ZGRF1: variants seen among roughly 807,000 people sequenced by gnomAD.
ZGRF1 encodes the protein 5'-3' DNA helicase ZGRF1.
A neutral mutation model predicts 203.5 loss-of-function variants in ZGRF1; 196 were observed. The observed-to-expected ratio is 0.96, with a 90% CI of 0.86 to 1.08. The LOEUF (loss-of-function observed/expected upper bound fraction) is 1.08. Among genes scored for constraint, ZGRF1 ranks in the 50% least tolerant of loss-of-function variants. ZGRF1 has a pLI of 0.00. For missense variants in ZGRF1, 2,326 were observed against 2,416.3 expected (o/e 0.96, Z 0.78); for synonymous variants, 809 against 841.3 (o/e 0.96, Z 0.66).
chr4:112,620,279 G>T, intron 4 of ZGRF1, 89 bp from the exon 5 acceptor site: 1 of 892,092 alleles, frequency 1.1e-6, no homozygotes. Context: ...GACACAATGG[G>T]TGTTCAATAA....
At chr4:112,543,978 C>G (rs1482840595) in intron 24 of ZGRF1, among the ~76,000 whole-genome samples, 1 of 151,320 alleles carries the variant, frequency 6.6e-6, no homozygotes, top group Non-Finnish European at 1.5e-5. Flanking sequence ...CTGGAGCCAC[C>G]ATGCCCAGCC....
At chr4:112,602,062 G>T (rs943400936) in intron 10 of ZGRF1, among the ~76,000 whole-genome samples, 1 of 152,080 alleles carries the variant, frequency 6.6e-6, no homozygotes, top group African/African-American at 2.4e-5. Context: ...AATTAGCTGG[G>T]CTCAGTGGCA....
At chr4:112,599,776 A>T (rs538992911) in intron 10 of ZGRF1, among the ~76,000 whole-genome samples, 17 of 152,250 alleles carry the variant, frequency 1.1e-4, no homozygotes, top group African/African-American at 4.1e-4. Context: ...GAAATTGCAG[A>T]CCAATAAATC....
At chr4:112,547,548 C>T in intron 23 of ZGRF1, 140 bp from the exon 24 acceptor site, 2 of 715,780 alleles carry the variant, frequency 2.8e-6, no homozygotes, top group Non-Finnish European at 2.2e-6. Context: ...CTTAGTAGTG[C>T]TATTAAGCGC....
Position 112,584,047 on chromosome 4 carries a change from A to C in ZGRF1, c.4229T>G (p.Ile1410Ser). 1 of 1,613,566 alleles carries C rather than the reference A, an allele frequency of 6.2e-7. No individual in the cohort carries two copies. Among genetic ancestry groups the C allele is most frequent in the Non-Finnish European group, 8.5e-7 (1 of 1,179,666 alleles). Residue 1410 changes from isoleucine to serine, a missense_variant, in exon 15 of 28, where the codon ATT (isoleucine) becomes AGT (serine). Coordinates refer to ENST00000505019, the MANE Select transcript of ZGRF1 (RefSeq NM_018392.5). The part of the protein sequence containing the change: ...GARPGMVLSD[I>S]KSIGLYLRSQ... ...TCTTAAATATAAGCCAATACTCTTA[A>C]TATCACTTAAAACCATGCCAGGTCG...
chr4:112,633,778 G>A (rs1312007497), intron 1 of ZGRF1, among the ~76,000 whole-genome samples: 3 of 152,172 alleles, frequency 2.0e-5, no homozygotes, highest in African/African-American at 7.2e-5. Flanking sequence ...GGCAAATTTG[G>A]AAATCTAAAA....
Position 112,539,650 on chromosome 4 carries a change from G to A in ZGRF1, c.6212C>T (p.Pro2071Leu). ...ATCTTTAAGGAGATGGTTCAGCTGTGGTTCATACTGGTTTGCATGTTGCAA... is the reference window on the plus strand; with the variant it reads ...ATCTTTAAGGAGATGGTTCAGCTGTAGTTCATACTGGTTTGCATGTTGCAA... ...DGLQHANQYEPQLNHLLKDYF... is the reference protein window; with the variant it reads ...DGLQHANQYELQLNHLLKDYF... Residue 2071 changes from proline to leucine, a missense_variant, in exon 28 of 28, where the codon CCA becomes CTA. By Grantham distance (98) the Pro-to-Leu change is moderately conservative. Coordinates refer to ENST00000505019, the MANE Select transcript of ZGRF1 (RefSeq NM_018392.5). 2 of 1,605,736 alleles carry A rather than the reference G, an allele frequency of 1.2e-6. No homozygotes were observed. Among genetic ancestry groups the A allele is most frequent in the Non-Finnish European group, 1.7e-6 (2 of 1,176,510 alleles).
Position 112,606,001 on chromosome 4 carries a change from AT to A in ZGRF1, c.2802+6del. On this transcript the variant is annotated splice_donor_region_variant and intron_variant, in intron 9 of 27. Coordinates refer to ENST00000505019, the MANE Select transcript of ZGRF1 (RefSeq NM_018392.5). Reference sequence around the variant, plus strand: ...TTAAATAAATCGATGTTCTTCACAAATTTTACCTTAGGGTCACAGGTTTTTC... The same window carrying A: ...TTAAATAAATCGATGTTCTTCACAAATTTACCTTAGGGTCACAGGTTTTTC... 1.9e-6 allele frequency: 3 copies of A among 1,560,256 alleles called. No individual in the cohort carries two copies. Among genetic ancestry groups the A allele is most frequent in the Non-Finnish European group, 2.6e-6 (3 of 1,142,092 alleles).
rs1253371055 is a variant in ZGRF1, at chr4:112,619,670, C to T, written c.372G>A (p.Gln124=). The T allele has an allele frequency of 1.2e-6, 2 of 1,604,660 alleles. No individual in the cohort carries two copies. The highest frequency in any genetic ancestry group is 2.2e-5 in the South Asian group (2 of 89,356). ...RKFTGFQGPR[Q]VPKKMVIMES... is the part of the protein sequence containing the mutation. ...CCATAATAACCATTTTCTTTGGAAC[C>T]TGACGTGGTCCTTGAAAACCCTGAA... Residue 124 remains glutamine (Q), a synonymous_variant, in exon 6 of 28, where the codon CAG becomes CAA. Transcript: ENST00000505019.
chr4:112,623,372 C>T (rs1312391431), intron 4 of ZGRF1, among the ~76,000 whole-genome samples: 1 of 152,108 alleles, frequency 6.6e-6, no homozygotes, highest in African/African-American at 2.4e-5. Context: ...GGTATATACC[C>T]AGTTATAGTA....
intron 9 of ZGRF1, among the ~76,000 whole-genome samples, chr4:112,604,822 C>A (rs1750532079): frequency 6.6e-6 from 1 of 152,062 alleles, no homozygotes; most frequent in East Asian, 1.9e-4. Flanking sequence ...TTACTCCATA[C>A]AAAGTAAAGC....
chr4:112,546,356 G>A (rs1441530787), intron 24 of ZGRF1, among the ~76,000 whole-genome samples: 1 of 152,086 alleles, frequency 6.6e-6, no homozygotes, highest in Non-Finnish European at 1.5e-5. Flanking sequence ...AAGAAACTGT[G>A]AATGTACTAA....
intron 8 of ZGRF1, 42 bp from the exon 9 acceptor site, chr4:112,606,133 G>A: frequency 8.5e-7 from 1 of 1,177,938 alleles, no homozygotes; most frequent in Non-Finnish European, 1.2e-6. Flanking sequence ...AGCTAGAATA[G>A]TTTCACAGGT....
rs1483484686 is a variant in ZGRF1 at position 112,548,233 on chromosome 4, G to T, written c.5474+20C>A. On this transcript the variant is annotated intron_variant, in intron 23 of 27. Transcript: ENST00000505019. ...TAGGATTACAGGTATTACCCCTGGG[G>T]AAAGAATCTTTTAGGTTACCTTGCA... 1 of 1,551,372 alleles carries T rather than the reference G, an allele frequency of 6.4e-7. No homozygotes were observed. The highest frequency in any genetic ancestry group is 8.7e-7 in the Non-Finnish European group (1 of 1,146,594).
At chr4:112,565,040 G>A in intron 16 of ZGRF1, 1 of 1,096,086 alleles carries the variant, frequency 9.1e-7, no homozygotes, top group South Asian at 1.2e-5. Context: ...AAACCACCCA[G>A]GAAGCAACTG....
At position 112,619,003 on chromosome 4, in the gene ZGRF1, C is replaced by A. The variant is rs2046977979; in HGVS notation, c.1039G>T (p.Asp347Tyr). The stretch of plus-strand genomic sequence containing the variant: ...TGGGCCTTGGGTTTCCTTTCTGTAT[C>A]ATTCCCATCTACAGTAGAAGAATGT... ...PIHSSTVDGN[D>Y]TERKPKAQED... The change falls in exon 6 of 28, where the codon GAT becomes TAT. Residue 347 changes from aspartate (D) to tyrosine (Y), a missense_variant. Transcript: ENST00000505019. 6.2e-7 allele frequency: 1 copy of A among 1,613,604 alleles called. No homozygotes were observed. The highest frequency in any genetic ancestry group is 1.3e-5 in the African/African-American group (1 of 74,862).
At chr4:112,609,516 A>G in intron 7 of ZGRF1, 87 bp from the exon 8 acceptor site, 1 of 576,940 alleles carries the variant, frequency 1.7e-6, no homozygotes, top group Non-Finnish European at 3.0e-6. Flanking sequence ...AGACTTAAGA[A>G]ATACTAGGGC....
Position 112,587,376 on chromosome 4 carries a change from T to C in ZGRF1, c.3681A>G (p.Val1227=), listed in dbSNP as rs1297935524. ...SSQDSVSRKK[V]LSLNLKQTSK... is the part of the protein sequence containing the mutation. Reference sequence around the variant, plus strand: ...AAGTCTGCTTTAAATTCAGAGAAAGTACTTTCTTTCTGGAAACCGAATCTT... The same window carrying C: ...AAGTCTGCTTTAAATTCAGAGAAAGCACTTTCTTTCTGGAAACCGAATCTT... Residue 1227 remains valine, a synonymous_variant, in exon 12 of 28, where the codon GTA becomes GTG. Transcript: ENST00000505019. 1 of 1,613,684 alleles carries C rather than the reference T, an allele frequency of 6.2e-7. No homozygotes were observed. Among genetic ancestry groups the C allele is most frequent in the African/African-American group, 1.3e-5 (1 of 74,930 alleles).
At chr4:112,599,407 TG>T (rs1210684748) in intron 10 of ZGRF1, among the ~76,000 whole-genome samples, 1 of 151,516 alleles carries the variant, frequency 6.6e-6, no homozygotes, top group Non-Finnish European at 1.5e-5. Context: ...AAGAATGAGG[TG>T]GGAAGATTTA....
Sources: allele counts gnomAD v4.1 joint callset (sites outside exome capture counted in the v4.1 genomes callset), GRCh38; gene constraint gnomAD v4.1.1; transcripts MANE v1.5; gene names NCBI Gene and HGNC (gene_info 2026-07-23, HGNC 2026-07-21).